Variants in ARHGEF4 observed in about 807,000 individuals in gnomAD.
ARHGEF4 encodes the protein APC-stimulated guanine nucleotide exchange factor 1.
A neutral mutation model predicts 162.0 loss-of-function variants in ARHGEF4; 119 were observed. That is an observed-to-expected ratio of 0.73 (90% CI 0.63 to 0.86). ARHGEF4 has a LOEUF of 0.86. Ranked by LOEUF, ARHGEF4 falls within the 40% of genes least tolerant of loss-of-function variation. The probability of loss-of-function intolerance (pLI) is 0.00; values close to 1 mark genes in which losing one functional copy is unlikely to be tolerated. For synonymous variants in ARHGEF4, 1,014 were observed against 979.9 expected (o/e 1.03, Z -0.65); for missense variants, 2,488 against 2,456.0 (o/e 1.01, Z -0.28).
rs1036725300 is a variant in ARHGEF4 at position 131,046,860 on chromosome 2, G to A, written c.*671G>A. The A allele has an allele frequency of 2.6e-5, 4 of 152,706 alleles. No homozygotes were observed. Among genetic ancestry groups the A allele is most frequent in the African/African-American group, 7.2e-5 (3 of 41,470 alleles). 9.5% of individuals were successfully genotyped at this position (152,706 alleles called of 1,614,324 possible). On this transcript the variant is annotated 3_prime_UTR_variant, in exon 14 of 14. Coordinates refer to ENST00000409359, the MANE Select transcript of ARHGEF4 (RefSeq NM_001367493.1). ...CGGCTGCATACTCCCAGTCGGGAGT[G>A]TGGTCAGTCTGCCTGCTGCTGTGCG...
chr2:130,912,102 C>T (rs760417517), intron 1 of ARHGEF4, among the ~76,000 whole-genome samples: 1 of 152,242 alleles, frequency 6.6e-6, no homozygotes, highest in Non-Finnish European at 1.5e-5. Context: ...CCCTGCCCGG[C>T]CTTAGCAGCC....
rs115225818 is a variant in ARHGEF4, at chr2:130,943,664, G to C, written c.3859-2845G>C. Among the ~76,000 whole-genome samples the C allele has an allele frequency of 5.1e-3, 775 of 152,188 alleles. 4 individuals carry two copies. The highest frequency in any genetic ancestry group is 0.017 in the African/African-American group (698 of 41,546). On this transcript the variant is annotated intron_variant, in intron 3 of 13. Transcript: ENST00000409359. ...TAACATTTCCGTCTAGTTAGAATTA[G>C]TATTTTCCCACTTCGAGTGGAAGGA...
At chr2:130,921,059 T>C (rs551878479) in intron 2 of ARHGEF4, among the ~76,000 whole-genome samples, 3 of 152,126 alleles carry the variant, frequency 2.0e-5, no homozygotes, top group Non-Finnish European at 2.9e-5. Context: ...CATCTCATGG[T>C]GTTCACTTGC....
At chr2:130,852,086 A>G (rs1333401566) in intron 1 of ARHGEF4, among the ~76,000 whole-genome samples, 1 of 152,208 alleles carries the variant, frequency 6.6e-6, no homozygotes, top group Middle Eastern at 3.2e-3. Context: ...AGCCATTCCA[A>G]CTTCACAGCT....
In ARHGEF4 at chr2:130,837,629, C is replaced by T. The variant is rs1450364638; in HGVS notation, c.39+637C>T. On this transcript the variant is annotated intron_variant, in intron 1 of 13. Coordinates refer to ENST00000409359, the MANE Select transcript of ARHGEF4 (RefSeq NM_001367493.1). ...CCACCTCGCTGCCCCCACAGGAACC[C>T]CAAGATGGGCCGGGGGCTCCGGGGC... 5 of 451,132 alleles carry T rather than the reference C, an allele frequency of 1.1e-5. No homozygotes were observed. In the Admixed American group the frequency reaches 1.2e-4, roughly 11 times the overall value. The allele number at this position is 451,132 out of a possible 1,614,324, so 27.9% of individuals were successfully genotyped here.
At chr2:130,960,210 C>T (rs116281423) in intron 4 of ARHGEF4, among the ~76,000 whole-genome samples, 2,107 of 152,186 alleles carry the variant, frequency 0.014, 59 homozygotes, top group African/African-American at 0.048. Context: ...TATTACTGTA[C>T]ACTATGTAGA....
At chr2:130,969,993 A>C (rs1685255739) in intron 4 of ARHGEF4, among the ~76,000 whole-genome samples, 1 of 152,220 alleles carries the variant, frequency 6.6e-6, no homozygotes, top group South Asian at 2.1e-4. Context: ...GTTGCTAAAT[A>C]GTATTTCAGC....
intron 2 of ARHGEF4, 21 bp from the exon 3 acceptor site, chr2:130,930,931 C>T (rs1682591345): frequency 1.3e-6 from 2 of 1,587,618 alleles, no homozygotes; most frequent in South Asian, 1.1e-5. Flanking sequence ...TGACCCCTGA[C>T]CCGTTCTCTC....
At position 131,039,068 on chromosome 2, in the gene ARHGEF4, C is replaced by A. The variant is rs749189042; in HGVS notation, c.4305+36C>A. 11 of 1,568,728 alleles carry A rather than the reference C, an allele frequency of 7.0e-6. No homozygotes were observed. In the South Asian group the frequency reaches 9.4e-5, roughly 13 times the overall value. On this transcript the variant is annotated intron_variant, in intron 6 of 13. Transcript: ENST00000409359. ...AAGCCCCAGCTTCTCCCAAGTTGGG[C>A]CCATAAAAAGCTACCTGGTTCTGCA...
At chr2:131,022,912 G>A (rs772424809) in intron 4 of ARHGEF4, among the ~76,000 whole-genome samples, 5 of 149,254 alleles carry the variant, frequency 3.3e-5, no homozygotes, top group African/African-American at 5.1e-5. Context: ...GAAAATACTC[G>A]CAAACCTCTT....
At chr2:130,909,016 A>G (rs914281273) in intron 1 of ARHGEF4, among the ~76,000 whole-genome samples, 2 of 152,162 alleles carry the variant, frequency 1.3e-5, no homozygotes, top group African/African-American at 4.8e-5. Flanking sequence ...TAACATGAAC[A>G]AGGCTGGTGG....
At chr2:130,972,869 T>G (rs1172867279) in intron 4 of ARHGEF4, among the ~76,000 whole-genome samples, 1 of 152,238 alleles carries the variant, frequency 6.6e-6, no homozygotes, top group East Asian at 1.9e-4. Flanking sequence ...AACAAAATTA[T>G]ATAATGATTA....
chr2:130,934,052 C>G (rs918823634), intron 3 of ARHGEF4, among the ~76,000 whole-genome samples: 2 of 152,120 alleles, frequency 1.3e-5, no homozygotes, highest in African/African-American at 4.8e-5. Flanking sequence ...ATGATGTTAG[C>G]TGTGTGTTTT....
chr2:130,918,500 G>A (rs1681665602), intron 2 of ARHGEF4, among the ~76,000 whole-genome samples: 2 of 152,338 alleles, frequency 1.3e-5, no homozygotes, highest in South Asian at 2.1e-4. Context: ...TCTTCCGCGC[G>A]CCCAGAGCCG....
chr2:131,032,242 C>T (rs1429601987), intron 5 of ARHGEF4, among the ~76,000 whole-genome samples: 2 of 151,890 alleles, frequency 1.3e-5, no homozygotes, highest in Non-Finnish European at 2.9e-5. Context: ...GGCCTGGGGA[C>T]AGATGTCCCC....
rs74655944 is a variant in ARHGEF4 at position 130,936,347 on chromosome 2, G to C, written c.3858+5090G>C. On this transcript the variant is annotated intron_variant, in intron 3 of 13. Transcript: ENST00000409359. ...TCGATTTTTGTTGCTCAGTTTGTAG[G>C]TACGTATGTTTGTAATTGTTATATC... Among the ~76,000 whole-genome samples the C allele has an allele frequency of 3.5e-3, 528 of 152,258 alleles. 3 individuals carry two copies. The highest frequency in any genetic ancestry group is 0.012 in the African/African-American group (504 of 41,550).
At chr2:130,898,994 T>C (rs1369563740) in intron 1 of ARHGEF4, among the ~76,000 whole-genome samples, 1 of 152,072 alleles carries the variant, frequency 6.6e-6, no homozygotes, top group Non-Finnish European at 1.5e-5. Context: ...GAATTCTCTA[T>C]TGTAGCATCA....
At chr2:130,934,528 G>C (rs1421239659) in intron 3 of ARHGEF4, among the ~76,000 whole-genome samples, 2 of 151,988 alleles carry the variant, frequency 1.3e-5, no homozygotes, top group Non-Finnish European at 2.9e-5. Flanking sequence ...GACCTGTTAA[G>C]AGTTTATATT....
In ARHGEF4 at chr2:130,922,244, G is replaced by A. The variant is rs544286401; in HGVS notation, c.3552+4746G>A. On this transcript the variant is annotated intron_variant, in intron 2 of 13. Transcript: ENST00000409359. ...AAATTAGCCGGGCATGGTGGCGCAT[G>A]CATATAATCGCAGCTAGTTGGGAGG... Among the ~76,000 whole-genome samples, 6 of 151,918 alleles carry A rather than the reference G, an allele frequency of 3.9e-5. No homozygotes were observed. In the East Asian group the frequency reaches 9.9e-4, roughly 25 times the overall value.
Sources: gnomAD v4.1 joint callset for allele counts (sites outside exome capture counted in the v4.1 genomes callset) on GRCh38, gnomAD v4.1.1 for gene constraint, MANE v1.5 for transcripts, NCBI Gene and HGNC (gene_info 2026-07-23, HGNC 2026-07-21) for gene names.